The following SAMD8 variants were observed in gnomAD, a reference collection of about 807,000 sequenced individuals.
The protein encoded by SAMD8 is sphingomyelin synthase-related protein 1.
In SAMD8, 20 loss-of-function variants were observed where a neutral mutation model predicts 42.0. The observed-to-expected ratio is 0.48, with a 90% CI of 0.34 to 0.69. The LOEUF (loss-of-function observed/expected upper bound fraction) is 0.69, where lower values mean the gene tolerates loss of function less well. Among genes scored for constraint, SAMD8 ranks in the 30% least tolerant of loss-of-function variants. SAMD8 has a pLI of 0.01. For missense variants in SAMD8, 328 were observed against 511.6 expected (o/e 0.64, Z 3.46); for synonymous variants, 162 against 173.0 (o/e 0.94, Z 0.50).
chr10:75,147,450 C>T (rs1840167223), intron 1 of SAMD8, among the ~76,000 whole-genome samples: 1 of 152,184 alleles, frequency 6.6e-6, no homozygotes, highest in Admixed American at 6.5e-5. Context: ...CTCAACCTCC[C>T]TAGTAGCTGA....
At position 75,134,629 on chromosome 10, in the gene SAMD8, T is replaced by TC. The variant is rs34556956; in HGVS notation, c.-15-15876dup. On this transcript the variant is annotated intron_variant, in intron 1 of 5. Coordinates refer to ENST00000542569, the MANE Select transcript of SAMD8 (RefSeq NM_001174156.2). ...CAGCTTGGGTGGCAGAGTGAGACTT[T>TC]CCCCCCCCCAAAAAAAAGATTACAG... Among the ~76,000 whole-genome samples, 971 of 141,978 alleles carry TC rather than the reference T, an allele frequency of 6.8e-3. 3 individuals are homozygous for TC. The highest frequency in any genetic ancestry group is 0.024 in the African/African-American group (870 of 36,632). 93.1% of individuals were successfully genotyped at this position (141,978 alleles called of 152,430 possible).
At chr10:75,126,911 C>T (rs570520189) in intron 1 of SAMD8, among the ~76,000 whole-genome samples, 77 of 151,964 alleles carry the variant, frequency 5.1e-4, no homozygotes, top group African/African-American at 1.8e-3. Flanking sequence ...CATTAGGCTG[C>T]GCACGGTGGC....
At chr10:75,119,895 G>T (rs936327040) in intron 1 of SAMD8, among the ~76,000 whole-genome samples, 1 of 152,040 alleles carries the variant, frequency 6.6e-6, no homozygotes, top group Non-Finnish European at 1.5e-5. Flanking sequence ...GTGAAACCTC[G>T]TCTCTACTAA....
rs1398414129 is a variant in SAMD8 at position 75,182,069 on chromosome 10, C to T, written c.*5377C>T. On this transcript the variant is annotated 3_prime_UTR_variant, in exon 6 of 6. Coordinates refer to ENST00000542569, the MANE Select transcript of SAMD8 (RefSeq NM_001174156.2). ...TTAACTAATATATATTATTTTATAT[C>T]TTTGTTGTATTAAAATGTTTAAAAA... 1 of 152,074 alleles carries T rather than the reference C, an allele frequency of 6.6e-6. No individual in the cohort carries two copies. The highest frequency in any genetic ancestry group is 1.5e-5 in the Non-Finnish European group (1 of 68,012). The allele number at this position is 152,074 out of a possible 1,614,324, so 9.4% of individuals were successfully genotyped here.
At chr10:75,153,104 T>C (rs1205135287) in intron 2 of SAMD8, among the ~76,000 whole-genome samples, 1 of 151,734 alleles carries the variant, frequency 6.6e-6, no homozygotes, top group Non-Finnish European at 1.5e-5. Flanking sequence ...GCCTCAGCCT[T>C]CCGAGTAACT....
rs111625707 is a variant in SAMD8, at chr10:75,101,847, A to G, written c.-16+2119A>G. 4.2e-5 allele frequency: 57 copies of G among 1,362,806 alleles called. 1 individual carries two copies. In the East Asian group the frequency reaches 7.3e-4, roughly 17 times the overall value. 84.4% of individuals were successfully genotyped at this position (1,362,806 alleles called of 1,614,324 possible). ...CAGGGACCACATCCTACCCCCCCCAAATTAGGAGCACTCACCCACCTGTGG... is the reference window on the plus strand; with the variant it reads ...CAGGGACCACATCCTACCCCCCCCAGATTAGGAGCACTCACCCACCTGTGG... On this transcript the variant is annotated intron_variant, in intron 1 of 3. Transcript: ENST00000447533.
intron 1 of SAMD8, chr10:75,105,921 G>A (rs746730496): frequency 1.1e-5 from 17 of 1,504,422 alleles, no homozygotes; most frequent in African/African-American, 8.3e-5. Flanking sequence ...GCCCACCCAC[G>A]GGCTGGGATG....
chr10:75,145,698 G>A (rs1444952580), intron 1 of SAMD8, among the ~76,000 whole-genome samples: 2 of 152,168 alleles, frequency 1.3e-5, no homozygotes, highest in Non-Finnish European at 2.9e-5. Flanking sequence ...ATTATAGAAT[G>A]TTTAACATCA....
At chr10:75,119,114 C>T (rs1848947652) in intron 1 of SAMD8, among the ~76,000 whole-genome samples, 1 of 150,884 alleles carries the variant, frequency 6.6e-6, no homozygotes, top group Non-Finnish European at 1.5e-5. Flanking sequence ...CATTTGGAAG[C>T]TGTTTAACTT....
chr10:75,111,763 G>T, intron 1 of SAMD8, 41 bp downstream of exon 1: 1 of 1,232,812 alleles, frequency 8.1e-7, no homozygotes, highest in Non-Finnish European at 1.0e-6. Context: ...AGCTTGGGGG[G>T]CGCCTGCTGC....
At chr10:75,103,344 C>CACACAG (rs1848296353) in intron 1 of SAMD8, among the ~76,000 whole-genome samples, 1 of 152,234 alleles carries the variant, frequency 6.6e-6, no homozygotes, top group Non-Finnish European at 1.5e-5. Context: ...CACAGGCCCA[C>CACACAG]ACACAGACAC....
chr10:75,150,954 T>C lies in SAMD8; in HGVS notation c.426T>C (p.Val142=). 6.2e-7 allele frequency: 1 copy of C among 1,613,328 alleles called. No homozygotes were observed. The highest frequency in any genetic ancestry group is 8.5e-7 in the Non-Finnish European group (1 of 1,179,764). ...QYMNGKNKHS[V]RRLDPEYWKT... is the part of the protein sequence containing the mutation. ...TGAATGGTAAAAACAAACATTCTGT[T>C]CGAAGATTGGACCCAGAATACTGGA... The change falls in exon 2 of 6, where the codon GTT becomes GTC. Residue 142 remains valine, a synonymous_variant. Coordinates refer to ENST00000542569, the MANE Select transcript of SAMD8 (RefSeq NM_001174156.2).
intron 1 of SAMD8, among the ~76,000 whole-genome samples, chr10:75,124,809 C>CTT (rs199513847): frequency 9.0e-5 from 13 of 144,996 alleles, no homozygotes; most frequent in African/African-American, 2.5e-5. Flanking sequence ...TTCTTTTTTT[C>CTT]TTTTTTTTTT....
In SAMD8 at chr10:75,151,513, C is replaced by T. The variant is rs538889323; in HGVS notation, c.578+407C>T. Reference sequence around the variant, plus strand: ...GGACTGTAGACATGTTCCACCATGCCCAGCTAATTTTTAAGTTTTTTGTAG... The same window carrying T: ...GGACTGTAGACATGTTCCACCATGCTCAGCTAATTTTTAAGTTTTTTGTAG... On this transcript the variant is annotated intron_variant, in intron 2 of 5. Coordinates refer to ENST00000542569, the MANE Select transcript of SAMD8 (RefSeq NM_001174156.2). Among the ~76,000 whole-genome samples the T allele has an allele frequency of 7.9e-5, 12 of 151,982 alleles. No individual in the cohort carries two copies. The South Asian group carries it at 2.5e-3, about 32-fold the overall frequency.
At chr10:75,134,629 T>C (rs545404585) in intron 1 of SAMD8, among the ~76,000 whole-genome samples, 146 of 141,992 alleles carry the variant, frequency 1.0e-3, no homozygotes, top group South Asian at 7.9e-3. Context: ...AGTGAGACTT[T>C]CCCCCCCCCA....
rs374508507 is a variant in SAMD8 at position 75,130,398 on chromosome 10, C to T, written c.-16+18676C>T. On this transcript the variant is annotated intron_variant, in intron 1 of 5. Coordinates refer to ENST00000542569, the MANE Select transcript of SAMD8 (RefSeq NM_001174156.2). ...GCACATGCCTGTAATCCCAGCTACTCGGGAGGCTGAGGCAGGAGAATTGCT... is the reference window on the plus strand; with the variant it reads ...GCACATGCCTGTAATCCCAGCTACTTGGGAGGCTGAGGCAGGAGAATTGCT... Among the ~76,000 whole-genome samples, 606 of 152,016 alleles carry T rather than the reference C, an allele frequency of 4.0e-3. 6 individuals carry two copies. Among genetic ancestry groups the T allele is most frequent in the African/African-American group, 0.012 (515 of 41,448 alleles).
At chr10:75,110,386 C>A (rs1848736568), upstream of SAMD8, among the ~76,000 whole-genome samples, 2 of 152,142 alleles carry the variant, frequency 1.3e-5, no homozygotes, top group African/African-American at 4.8e-5. Flanking sequence ...AGATGTCTCA[C>A]CCTCTCTCAT....
intron 1 of SAMD8, 150 bp from the exon 2 acceptor site, chr10:75,150,364 C>T (rs1017991513): frequency 6.1e-6 from 8 of 1,305,482 alleles, no homozygotes; most frequent in Admixed American, 3.1e-5. Context: ...TTAAGTGATC[C>T]TCCCAACTCA....
Position 75,145,500 on chromosome 10 carries a change from T to C in SAMD8, c.-15-5014T>C, listed in dbSNP as rs79025260. Among the ~76,000 whole-genome samples, 441 of 152,316 alleles carry C rather than the reference T, an allele frequency of 2.9e-3. 8 individuals are homozygous for C. The East Asian group carries it at 0.051, about 18-fold the overall frequency. On this transcript the variant is annotated intron_variant, in intron 1 of 5. Coordinates refer to ENST00000542569, the MANE Select transcript of SAMD8 (RefSeq NM_001174156.2). Reference sequence around the variant, plus strand: ...CTAGATACTTTGGTATTTCTATTAATATTCTTGAGCTTTTTGTGGGATGCT... The same window carrying C: ...CTAGATACTTTGGTATTTCTATTAACATTCTTGAGCTTTTTGTGGGATGCT...
Sources: gnomAD v4.1 joint callset for allele counts (sites outside exome capture counted in the v4.1 genomes callset) on GRCh38, gnomAD v4.1.1 for gene constraint, MANE v1.5 for transcripts, NCBI Gene and HGNC (gene_info 2026-07-23, HGNC 2026-07-21) for gene names.